The following CMIP variants were observed in gnomAD, a reference collection of about 807,000 sequenced individuals.
The protein encoded by CMIP is c-Maf inducing protein.
In CMIP, 13 loss-of-function variants were observed where a neutral mutation model predicts 97.3. The ratio of observed to expected loss-of-function variants is 0.13; its 90% CI spans 0.09 to 0.21. The LOEUF is 0.21. Ranked by LOEUF, CMIP falls within the 10% of genes least tolerant of loss-of-function variation. The probability of loss-of-function intolerance (pLI) is 1.00; values close to 1 mark genes in which losing one functional copy is unlikely to be tolerated. For missense variants in CMIP, 847 were observed against 1,024.9 expected, an observed-to-expected ratio of 0.83 and a Z score of 2.37; for synonymous variants, 538 against 436.3, an observed-to-expected ratio of 1.23 and a Z score of -2.91.
chr16:81,502,553 C>T (rs539480805), intron 1 of CMIP, among the ~76,000 whole-genome samples: 18 of 152,156 alleles, frequency 1.2e-4, no homozygotes, highest in Non-Finnish European at 2.4e-4. Context: ...GTCACGTGCG[C>T]CAGGCATTTG....
At chr16:81,445,637 C>T (rs2150723411) in intron 1 of CMIP, 96 bp downstream of exon 1, 3 of 1,350,396 alleles carry the variant, frequency 2.2e-6, no homozygotes, top group Non-Finnish European at 3.0e-6. Context: ...GAGCCCAGGG[C>T]CTGGGGGGCG....
At chr16:81,491,098 T>C (rs1490244906) in intron 1 of CMIP, among the ~76,000 whole-genome samples, 2 of 152,134 alleles carry the variant, frequency 1.3e-5, no homozygotes, top group Non-Finnish European at 2.9e-5. Context: ...AGGGGTTTTG[T>C]GGTGGGTTCC....
At chr16:81,699,952 G>T (rs1907208684) in intron 15 of CMIP, among the ~76,000 whole-genome samples, 151 bp downstream of exon 15, 2 of 152,176 alleles carry the variant, frequency 1.3e-5, no homozygotes, top group Admixed American at 6.5e-5. Flanking sequence ...CTTAGTGGGA[G>T]CCTCGAGCCT....
chr16:81,446,403 T>C (rs542559924), intron 1 of CMIP, among the ~76,000 whole-genome samples: 1 of 148,614 alleles, frequency 6.7e-6, no homozygotes, highest in Non-Finnish European at 1.5e-5. Context: ...TCTTCGTACG[T>C]GGAGAAAGAC....
At chr16:81,541,752 A>G (rs2090453297) in intron 1 of CMIP, among the ~76,000 whole-genome samples, 1 of 152,222 alleles carries the variant, frequency 6.6e-6, no homozygotes, top group South Asian at 2.1e-4. Context: ...TAATGATCAG[A>G]CAGCCTTGAG....
At chr16:81,574,836 C>T (rs112388353) in intron 1 of CMIP, among the ~76,000 whole-genome samples, 2 of 152,204 alleles carry the variant, frequency 1.3e-5, no homozygotes, top group South Asian at 4.1e-4. Flanking sequence ...TCAGAGCAGA[C>T]CACACTGCAA....
chr16:81,489,859 C>T (rs1477323554), intron 1 of CMIP, among the ~76,000 whole-genome samples: 2 of 152,248 alleles, frequency 1.3e-5, no homozygotes, highest in Admixed American at 1.3e-4. Context: ...CCCCAGCTCT[C>T]CAGTGCTAGG....
At chr16:81,526,730 C>A (rs1457963993) in intron 1 of CMIP, among the ~76,000 whole-genome samples, 1 of 152,238 alleles carries the variant, frequency 6.6e-6, no homozygotes, top group Non-Finnish European at 1.5e-5. Flanking sequence ...AGGAAGCCCA[C>A]TCTTGCCTTG....
chr16:81,538,274 A>G (rs972576236), intron 1 of CMIP, among the ~76,000 whole-genome samples: 1 of 152,170 alleles, frequency 6.6e-6, no homozygotes, highest in African/African-American at 2.4e-5. Flanking sequence ...GGAAACTCAT[A>G]AAGTAGAGAC....
intron 20 of CMIP, 64 bp downstream of exon 20, chr16:81,707,148 T>C: frequency 7.8e-7 from 1 of 1,290,216 alleles, no homozygotes; most frequent in Non-Finnish European, 1.1e-6. Context: ...TGGATGCTGG[T>C]GCATCTCCTG....
intron 1 of CMIP, among the ~76,000 whole-genome samples, chr16:81,474,230 A>G (rs1907742950): frequency 6.6e-6 from 1 of 152,076 alleles, no homozygotes; most frequent in Non-Finnish European, 1.5e-5. Flanking sequence ...GGAGAGGGCA[A>G]GGTGACTGTG....
chr16:81,464,960 C>T (rs934236324), intron 1 of CMIP: 2 of 152,170 alleles, frequency 1.3e-5, no homozygotes, highest in African/African-American at 2.4e-5. Flanking sequence ...ATTCTTCGGT[C>T]GACAGACACT....
At chr16:81,698,727 C>T (rs535369485) in intron 14 of CMIP, among the ~76,000 whole-genome samples, 2 of 152,142 alleles carry the variant, frequency 1.3e-5, no homozygotes, top group Non-Finnish European at 2.9e-5. Flanking sequence ...TCTTATCTTC[C>T]GAAACTGAAA....
chr16:81,551,774 G>A (rs2090663058), intron 1 of CMIP, among the ~76,000 whole-genome samples: 1 of 152,238 alleles, frequency 6.6e-6, no homozygotes, highest in Non-Finnish European at 1.5e-5. Context: ...TCTGCTTCCA[G>A]AGGTGGCTGA....
intron 4 of CMIP, among the ~76,000 whole-genome samples, chr16:81,656,105 A>C (rs2092478385): frequency 6.6e-6 from 1 of 152,226 alleles, no homozygotes; most frequent in South Asian, 2.1e-4. Flanking sequence ...ACATGCCTGC[A>C]TTCTAGGTAT....
intron 1 of CMIP, among the ~76,000 whole-genome samples, chr16:81,463,103 G>T (rs1452856515): frequency 6.6e-6 from 1 of 152,178 alleles, no homozygotes; most frequent in Non-Finnish European, 1.5e-5. Flanking sequence ...GATGAGTGCA[G>T]GTCTAATGGG....
chr16:81,496,211 A>G (rs559093142), intron 1 of CMIP, among the ~76,000 whole-genome samples: 31 of 152,364 alleles, frequency 2.0e-4, no homozygotes, highest in South Asian at 4.1e-4. Flanking sequence ...GGCCTGGACC[A>G]TAGTAGGTGC....
At chr16:81,618,567 C>G (rs549353185) in intron 2 of CMIP, 1 of 152,412 alleles carries the variant, frequency 6.6e-6, no homozygotes, top group African/African-American at 2.4e-5. Flanking sequence ...GGATGTGGAC[C>G]AGGCATGCCC....
At chr16:81,496,414 G>A (rs2089492629) in intron 1 of CMIP, among the ~76,000 whole-genome samples, 1 of 152,126 alleles carries the variant, frequency 6.6e-6, no homozygotes, top group South Asian at 2.1e-4. Flanking sequence ...TACGATGGAG[G>A]GGAGTTAATT....
Sources: gnomAD v4.1 joint callset for allele counts (sites outside exome capture counted in the v4.1 genomes callset) on GRCh38, gnomAD v4.1.1 for gene constraint, MANE v1.5 for transcripts, NCBI Gene and HGNC (gene_info 2026-07-23, HGNC 2026-07-21) for gene names.